THSD4: variants seen among roughly 807,000 people sequenced by gnomAD.
THSD4 encodes the protein thrombospondin type-1 domain-containing protein 4.
In THSD4, 69 loss-of-function variants were observed where a neutral mutation model predicts 119.0. That is an observed-to-expected ratio of 0.58 (90% CI 0.48 to 0.71). THSD4 has a LOEUF of 0.71. THSD4 is among the 30% of genes least tolerant of loss of function. The pLI, the probability that THSD4 is intolerant of heterozygous loss-of-function variation, is 0.00. For synonymous variants in THSD4, 524 were observed against 540.4 expected (o/e 0.97, Z 0.42); for missense variants, 1,393 against 1,391.1 (o/e 1.00, Z -0.02).
chr15:71,573,686 T>C (rs1230453330), intron 7 of THSD4, among the ~76,000 whole-genome samples: 1 of 152,228 alleles, frequency 6.6e-6, no homozygotes, highest in Non-Finnish European at 1.5e-5. Flanking sequence ...CCTTCTACAA[T>C]GTGCTCCATT....
rs118093192 is a variant in THSD4, at chr15:71,294,034, T to C, written c.1015+37319T>C. Among the ~76,000 whole-genome samples the C allele has an allele frequency of 3.4e-4, 52 of 152,272 alleles. No homozygotes were observed. The East Asian group carries it at 9.3e-3, about 27-fold the overall frequency. On this transcript the variant is annotated intron_variant, in intron 6 of 17. Coordinates refer to ENST00000261862, the MANE Select transcript of THSD4 (RefSeq NM_024817.3). ...TGTTTGATCTCCTAGCCTTTGCTTT[T>C]CTTTGTATTTTTCCTGCTTTAGTCC...
intron 6 of THSD4, among the ~76,000 whole-genome samples, chr15:71,285,872 A>G (rs1389073086): frequency 1.3e-5 from 2 of 151,334 alleles, no homozygotes; most frequent in African/African-American, 4.8e-5. Context: ...AAAAAAAAAA[A>G]AAAAAAAAAA....
At chr15:71,515,405 C>T (rs1453493868) in intron 7 of THSD4, among the ~76,000 whole-genome samples, 1 of 152,058 alleles carries the variant, frequency 6.6e-6, no homozygotes, top group Non-Finnish European at 1.5e-5. Context: ...ATTGGAGGAG[C>T]CAGAAACAGA....
At chr15:71,653,518 A>T (rs2051132387) in intron 7 of THSD4, among the ~76,000 whole-genome samples, 1 of 152,212 alleles carries the variant, frequency 6.6e-6, no homozygotes, top group Admixed American at 6.5e-5. Context: ...GGTAGAAGCC[A>T]AGGATGCTGC....
chr15:71,300,099 T>G (rs979379943), intron 6 of THSD4, among the ~76,000 whole-genome samples: 37 of 151,044 alleles, frequency 2.4e-4, no homozygotes, highest in African/African-American at 9.0e-4. Context: ...TGCAGTAAGC[T>G]ATGACTGCGC....
intron 8 of THSD4, among the ~76,000 whole-genome samples, chr15:71,668,574 G>T (rs557701085): frequency 6.6e-6 from 1 of 152,184 alleles, no homozygotes; most frequent in Non-Finnish European, 1.5e-5. Flanking sequence ...CAGAATGCTG[G>T]CATTGCCTCC....
At chr15:71,517,293 A>ACTCCCATT (rs1567017751) in intron 7 of THSD4, among the ~76,000 whole-genome samples, 1 of 151,334 alleles carries the variant, frequency 6.6e-6, no homozygotes, top group African/African-American at 2.4e-5. Flanking sequence ...CATCCCCGCC[A>ACTCCCATT]CTCCCATTCT....
chr15:71,367,107 A>G (rs941848000), intron 6 of THSD4, among the ~76,000 whole-genome samples: 5 of 152,166 alleles, frequency 3.3e-5, no homozygotes, highest in African/African-American at 4.8e-5. Flanking sequence ...TGTAGCTTCC[A>G]CTATTTTTAG....
At chr15:71,120,457 G>A (rs1052335133) in intron 1 of THSD4, among the ~76,000 whole-genome samples, 4 of 152,166 alleles carry the variant, frequency 2.6e-5, no homozygotes, top group Admixed American at 6.5e-5. Flanking sequence ...GCGCCCATTA[G>A]CCCTGCTTCT....
At chr15:71,698,535 C>A (rs960014029) in intron 8 of THSD4, among the ~76,000 whole-genome samples, 2 of 151,046 alleles carry the variant, frequency 1.3e-5, no homozygotes, top group African/African-American at 4.9e-5. Context: ...CAGTGAACTC[C>A]CTTATTTCTT....
chr15:71,121,170 C>T (rs1269752301), intron 1 of THSD4, among the ~76,000 whole-genome samples: 3 of 152,072 alleles, frequency 2.0e-5, no homozygotes, highest in Admixed American at 1.3e-4. Flanking sequence ...CTCCTTTCCC[C>T]GGCCAGGCAG....
chr15:71,547,626 CCTTTT>C, intron 7 of THSD4: 1 of 924,862 alleles, frequency 1.1e-6, no homozygotes, highest in Non-Finnish European at 1.5e-6. Flanking sequence ...GCTTCTCTTG[CCTTTT>C]CTTATATGAA....
intron 8 of THSD4, among the ~76,000 whole-genome samples, chr15:71,667,397 C>T (rs1567090764): frequency 6.6e-6 from 1 of 152,118 alleles, no homozygotes; most frequent in Non-Finnish European, 1.5e-5. Flanking sequence ...CATTATGCAA[C>T]AGTTAAGAAA....
intron 3 of THSD4, among the ~76,000 whole-genome samples, chr15:71,170,753 C>T (rs547462427): frequency 3.3e-5 from 5 of 152,230 alleles, no homozygotes; most frequent in African/African-American, 1.2e-4. Flanking sequence ...AGAACTGGCA[C>T]ATATTTTAGA....
At chr15:71,300,479 C>T (rs575904781) in intron 6 of THSD4, among the ~76,000 whole-genome samples, 5 of 152,260 alleles carry the variant, frequency 3.3e-5, no homozygotes, top group Admixed American at 3.3e-4. Context: ...AGTTTGATTG[C>T]TGATTGTGAA....
chr15:71,745,218 C>A lies in THSD4; in HGVS notation c.2019C>A (p.Ile673=). 6.2e-7 allele frequency: 1 copy of A among 1,613,996 alleles called. No individual in the cohort carries two copies. The highest frequency in any genetic ancestry group is 8.5e-7 in the Non-Finnish European group (1 of 1,180,002). Residue 673 remains isoleucine, a synonymous_variant, in exon 12 of 18, where the codon ATC becomes ATA. Coordinates refer to ENST00000261862, the MANE Select transcript of THSD4 (RefSeq NM_024817.3). ...KPTPEEEPCN[I]FPCPAFWDIG... Reference sequence around the variant, plus strand: ...CCCCCGAGGAGGAGCCCTGCAACATCTTCCCTTGCCCAGCCTTGTAAGAAG... The same window carrying A: ...CCCCCGAGGAGGAGCCCTGCAACATATTCCCTTGCCCAGCCTTGTAAGAAG...
At chr15:71,612,236 A>G (rs2050244426) in intron 7 of THSD4, among the ~76,000 whole-genome samples, 1 of 152,176 alleles carries the variant, frequency 6.6e-6, no homozygotes. Flanking sequence ...TGATCACTAA[A>G]GGGGAATTAA....
intron 7 of THSD4, among the ~76,000 whole-genome samples, chr15:71,471,656 C>T (rs899505237): frequency 1.3e-5 from 2 of 151,186 alleles, no homozygotes; most frequent in Non-Finnish European, 2.9e-5. Context: ...CTTCCTGGCC[C>T]AGCCTCATAC....
rs1479598845 is a variant in THSD4 at position 71,417,861 on chromosome 15, A to G, written c.1152+6038A>G. On this transcript the variant is annotated intron_variant, in intron 7 of 17. Coordinates refer to ENST00000261862, the MANE Select transcript of THSD4 (RefSeq NM_024817.3). Reference sequence around the variant, plus strand: ...CATTTTAGCAATATTAATTCTTCCAATCCAGGAACACAGAATATCTTTCTA... The same window carrying G: ...CATTTTAGCAATATTAATTCTTCCAGTCCAGGAACACAGAATATCTTTCTA... Among the ~76,000 whole-genome samples the G allele has an allele frequency of 3.7e-5, 4 of 108,574 alleles. 1 individual carries two copies. The highest frequency in any genetic ancestry group is 2.8e-4 in the South Asian group (1 of 3,526). The allele number at this position is 108,574 out of a possible 152,430, so 71.2% of individuals were successfully genotyped here. A position where few individuals can be genotyped will look rare whatever the true frequency, so the allele number is the denominator to read the frequency against.
Sources: allele counts gnomAD v4.1 joint callset (sites outside exome capture counted in the v4.1 genomes callset), GRCh38; gene constraint gnomAD v4.1.1; transcripts MANE v1.5; gene names NCBI Gene and HGNC (gene_info 2026-07-23, HGNC 2026-07-21).